Variants in FMO2 observed in about 807,000 individuals in gnomAD.
FMO2 encodes flavin containing dimethylaniline monoxygenase 2.
A neutral mutation model predicts 41.6 loss-of-function variants in FMO2; 33 were observed. The observed-to-expected ratio is 0.79, with a 90% confidence interval of 0.60 to 1.06. The LOEUF is 1.06. Among genes scored for constraint, FMO2 ranks in the 50% least tolerant of loss-of-function variants. The pLI is 0.00. For synonymous variants in FMO2, 214 were observed against 219.6 expected (o/e 0.97, Z 0.23); for missense variants, 619 against 632.9 (o/e 0.98, Z 0.23).
chr1:171,203,970 A>G lies in FMO2; in HGVS notation c.733A>G (p.Asn245Asp). The change falls in exon 6 of 9, where the codon AAT (asparagine) becomes GAT (aspartate). Residue 245 changes from asparagine (N) to aspartate (D), a missense_variant. Physicochemically the swap from Asn to Asp is conservative, Grantham distance 23 (BLOSUM62 1). Coordinates refer to ENST00000209929, the MANE Select transcript of FMO2 (RefSeq NM_001460.5). The part of the protein sequence containing the change: ...FHTRFRSMLR[N>D]VLPRTAVKWM... ...CACCCGGTTTCGTTCTATGCTCCGC[A>G]ATGTACTGCCACGAACAGCTGTAAA... 1 of 1,613,776 alleles carries G rather than the reference A, an allele frequency of 6.2e-7. No homozygotes were observed. The highest frequency in any genetic ancestry group is 8.5e-7 in the Non-Finnish European group (1 of 1,179,766).
At position 171,211,521 on chromosome 1, in the gene FMO2, C is replaced by T. The variant is rs945562844; in HGVS notation, c.*2376C>T. On this transcript the variant is annotated 3_prime_UTR_variant, in exon 9 of 9. Coordinates refer to ENST00000209929, the MANE Select transcript of FMO2 (RefSeq NM_001460.5). ...TTGTCAGGTTAATGCTAAATCAGTG[C>T]GGAAATATAGCTCCACTAGGAAAAT... Among the ~76,000 whole-genome samples the T allele has an allele frequency of 4.0e-5, 6 of 148,918 alleles. No homozygotes were observed. Among genetic ancestry groups the T allele is most frequent in the Admixed American group, 1.3e-4 (2 of 15,192 alleles).
Position 171,212,023 on chromosome 1 carries a change from C to T in FMO2, c.*2878C>T, listed in dbSNP as rs186495740. 2.0e-5 allele frequency among the ~76,000 whole-genome samples: 3 copies of T among 152,314 alleles called. No homozygotes were observed. The East Asian group carries it at 5.8e-4, about 29-fold the overall frequency. ...CCCATTCTTCAAGGACAAATTCCTTCTGTTCAGCCTTGGTCCTCCAACTGC... is the reference window on the plus strand; with the variant it reads ...CCCATTCTTCAAGGACAAATTCCTTTTGTTCAGCCTTGGTCCTCCAACTGC... On this transcript the variant is annotated 3_prime_UTR_variant, in exon 9 of 9. Transcript: ENST00000209929.
chr1:171,189,354 G>C (rs1407067967), intron 2 of FMO2, among the ~76,000 whole-genome samples: 2 of 144,960 alleles, frequency 1.4e-5, no homozygotes, highest in Non-Finnish European at 3.0e-5. Context: ...AGTTCAATCT[G>C]AAATATCACT....
intron 8 of FMO2, among the ~76,000 whole-genome samples, chr1:171,208,569 A>AT (rs1658855987): frequency 6.6e-6 from 1 of 152,152 alleles, no homozygotes; most frequent in South Asian, 2.1e-4. Flanking sequence ...ATCTTGTCAC[A>AT]TTTCTAGAGC....
At chr1:171,186,028 A>G in intron 2 of FMO2, 183 bp downstream of exon 2, 1 of 552,470 alleles carries the variant, frequency 1.8e-6, no homozygotes, top group Non-Finnish European at 3.0e-6. Flanking sequence ...GTCAATACTA[A>G]CCCAACCCAG....
At chr1:171,206,390 T>C (rs1557984354) in intron 7 of FMO2, among the ~76,000 whole-genome samples, 1 of 152,098 alleles carries the variant, frequency 6.6e-6, no homozygotes, top group Admixed American at 6.6e-5. Context: ...AACAAAAGCA[T>C]AGAGTCAATG....
intron 1 of FMO2, 92 bp downstream of exon 1, chr1:171,185,451 A>G: frequency 3.2e-6 from 1 of 314,184 alleles, no homozygotes; most frequent in East Asian, 5.7e-5. Flanking sequence ...GTTACTGCAT[A>G]GTCTGGCTTT....
intron 2 of FMO2, among the ~76,000 whole-genome samples, chr1:171,188,137 A>G (rs1311487036): frequency 1.3e-5 from 2 of 150,472 alleles, no homozygotes; most frequent in African/African-American, 2.4e-5. Flanking sequence ...TGGCTCCACA[A>G]CCTCCCTCCC....
At position 171,193,392 on chromosome 1, in the gene FMO2, AAAG is replaced by A. The variant is rs1658165083; in HGVS notation, c.193_195del (p.Glu65del). 1 of 1,611,882 alleles carries A rather than the reference AAAG, an allele frequency of 6.2e-7. No homozygotes were observed. Among genetic ancestry groups the A allele is most frequent in the African/African-American group, 1.4e-5 (1 of 73,808 alleles). ...TCAATCTGTCGTTACCAACACCAGC[AAAG>A]AAATGTCCTGTTTCAGTGACTTTCC... On this transcript the variant is annotated inframe_deletion, in exon 3 of 9. Transcript: ENST00000209929.
Position 171,204,032 on chromosome 1 carries a change from C to T in FMO2, c.795C>T (p.Asn265=), listed in dbSNP as rs1057091050. Reference sequence around the variant, plus strand: ...AACAACAGATGAATCGGTGGTTCAACCATGAAAATTATGGCCTTGAGCCTC... The same window carrying T: ...AACAACAGATGAATCGGTGGTTCAATCATGAAAATTATGGCCTTGAGCCTC... ...MIEQQMNRWF[N]HENYGLEPQN... is the part of the protein sequence containing the mutation. Residue 265 remains asparagine (N), a synonymous_variant, in exon 6 of 9, where the codon AAC becomes AAT. Coordinates refer to ENST00000209929, the MANE Select transcript of FMO2 (RefSeq NM_001460.5). 1.9e-6 allele frequency: 3 copies of T among 1,613,588 alleles called. No homozygotes were observed. Among genetic ancestry groups the T allele is most frequent in the Admixed American group, 1.7e-5 (1 of 59,954 alleles).
intron 2 of FMO2, among the ~76,000 whole-genome samples, chr1:171,189,534 G>A (rs1411027208): frequency 6.6e-6 from 1 of 152,096 alleles, no homozygotes; most frequent in African/African-American, 2.4e-5. Context: ...GGAGACACCA[G>A]CCTAATGAAA....
chr1:171,185,597 T>C, intron 1 of FMO2, 111 bp from the exon 2 acceptor site: 1 of 1,047,846 alleles, frequency 9.5e-7, no homozygotes, highest in South Asian at 1.6e-5. Context: ...TAGTGCTGCT[T>C]ATTAAATTAC....
intron 2 of FMO2, among the ~76,000 whole-genome samples, chr1:171,190,140 T>C (rs556196381): frequency 9.2e-5 from 14 of 152,332 alleles, no homozygotes; most frequent in Admixed American, 5.2e-4. Flanking sequence ...TTCTGCTTTA[T>C]AAATTTCCTC....
chr1:171,189,316 A>G (rs1171996475), intron 2 of FMO2, among the ~76,000 whole-genome samples: 1 of 152,206 alleles, frequency 6.6e-6, no homozygotes, highest in Admixed American at 6.5e-5. Flanking sequence ...CTCTCTAGAC[A>G]TATCTCAATC....
intron 5 of FMO2, among the ~76,000 whole-genome samples, chr1:171,201,213 G>A (rs1182184948): frequency 6.6e-6 from 1 of 152,006 alleles, no homozygotes; most frequent in Non-Finnish European, 1.5e-5. Context: ...TTTTTAGGAG[G>A]TACTTCACTT....
chr1:171,205,770 A>G, intron 7 of FMO2, 136 bp downstream of exon 7: 2 of 557,112 alleles, frequency 3.6e-6, no homozygotes, highest in South Asian at 3.2e-5. Flanking sequence ...CAAGACTAAC[A>G]TTCTAAAAAG....
At chr1:171,194,806 A>AT (rs11377910) in intron 3 of FMO2, among the ~76,000 whole-genome samples, 60,448 of 152,004 alleles carry the variant, frequency 0.4, 12,818 homozygotes, top group East Asian at 0.55. Flanking sequence ...AGTGAGGCTT[A>AT]TTTTTAATAC....
At position 171,205,377 on chromosome 1, in the gene FMO2, CTT is replaced by C; in HGVS notation, c.927_928del (p.Ser310CysfsTer4). The C allele has an allele frequency of 6.2e-7, 1 of 1,613,822 alleles. No individual in the cohort carries two copies. Among genetic ancestry groups the C allele is most frequent in the South Asian group, 1.1e-5 (1 of 91,076 alleles). ...TCTACAGTGAAAGAGCTCACAGAAACTTCTGCCATCTTTGAGGATGGAACAGT... is the reference window on the plus strand; with the variant it reads ...TCTACAGTGAAAGAGCTCACAGAAACCTGCCATCTTTGAGGATGGAACAGT... On this transcript the variant is annotated frameshift_variant, in exon 7 of 9. Coordinates refer to ENST00000209929, the MANE Select transcript of FMO2 (RefSeq NM_001460.5). LOFTEE classifies it high-confidence loss of function.
intron 3 of FMO2, among the ~76,000 whole-genome samples, chr1:171,196,446 T>A (rs1401666911): frequency 1.3e-5 from 2 of 152,234 alleles, no homozygotes; most frequent in Non-Finnish European, 2.9e-5. Flanking sequence ...TTAACATTAG[T>A]GACTCCATCT....
Sources: gnomAD v4.1 joint callset for allele counts (sites outside exome capture counted in the v4.1 genomes callset) on GRCh38, gnomAD v4.1.1 for gene constraint, MANE v1.5 for transcripts, NCBI Gene and HGNC (gene_info 2026-07-23, HGNC 2026-07-21) for gene names.